Variants in VPS13C observed in about 807,000 individuals in gnomAD.
The protein encoded by VPS13C is vacuolar protein sorting 13 homolog C, also known as intermembrane lipid transfer protein VPS13C.
A neutral mutation model predicts 456.8 loss-of-function variants in VPS13C; 358 were observed. The observed-to-expected ratio is 0.78, with a 90% confidence interval of 0.72 to 0.86. VPS13C has a LOEUF of 0.86. VPS13C is among the 40% of genes least tolerant of loss of function. The pLI is 0.00. For synonymous variants in VPS13C, 1,578 were observed against 1,486.7 expected (o/e 1.06, Z -1.41); for missense variants, 4,818 against 4,385.4 (o/e 1.10, Z -2.79).
At chr15:61,907,117 T>G in intron 66 of VPS13C, 147 bp downstream of exon 66, 1 of 1,086,528 alleles carries the variant, frequency 9.2e-7, no homozygotes, top group Non-Finnish European at 1.4e-6. Flanking sequence ...CTACAGTATT[T>G]GCCATCTAAA....
At position 62,005,161 on chromosome 15, in the gene VPS13C, T is replaced by A. The variant is rs551654747; in HGVS notation, c.1290+2147A>T. On this transcript the variant is annotated intron_variant, in intron 15 of 84. Coordinates refer to ENST00000644861, the MANE Select transcript of VPS13C (RefSeq NM_020821.3). ...TCATTAATGTGTGGGACTCTAAGTC[T>A]CTATGTAGGTCACTCAGGACTTGCT... Among the ~76,000 whole-genome samples, 12 of 152,320 alleles carry A rather than the reference T, an allele frequency of 7.9e-5. No individual in the cohort carries two copies. The South Asian group carries it at 2.5e-3, about 32-fold the overall frequency.
intron 66 of VPS13C, among the ~76,000 whole-genome samples, chr15:61,891,575 T>C (rs770398630): frequency 2.8e-4 from 43 of 152,348 alleles, no homozygotes; most frequent in African/African-American, 9.6e-4. Flanking sequence ...TTGTTTTTCA[T>C]CTATTTCATG....
In VPS13C at chr15:61,941,760, T is replaced by C. The variant is rs1179673990; in HGVS notation, c.5453+3A>G. 3.7e-6 allele frequency: 6 copies of C among 1,605,582 alleles called. No homozygotes were observed. Among genetic ancestry groups the C allele is most frequent in the South Asian group, 2.2e-5 (2 of 90,098 alleles). On this transcript the variant is annotated splice_donor_region_variant and intron_variant, in intron 46 of 84. Coordinates refer to ENST00000644861, the MANE Select transcript of VPS13C (RefSeq NM_020821.3). ...AATACACAATTAGATTACATATTTATACCTTGACAGCTTCAACTGAGTGAG... is the reference window on the plus strand; with the variant it reads ...AATACACAATTAGATTACATATTTACACCTTGACAGCTTCAACTGAGTGAG...
intron 1 of VPS13C, among the ~76,000 whole-genome samples, chr15:62,057,356 C>T (rs984815408): frequency 6.6e-6 from 1 of 152,108 alleles, no homozygotes; most frequent in Non-Finnish European, 1.5e-5. Flanking sequence ...AATTAATATT[C>T]CCATTTGTTT....
At chr15:62,000,481 T>A (rs2140457510) in intron 16 of VPS13C, 83 bp downstream of exon 16, 1 of 1,358,500 alleles carries the variant, frequency 7.4e-7, no homozygotes, top group South Asian at 1.4e-5. Context: ...CCTCACCTCG[T>A]GAAACTTCAA....
chr15:61,899,440 C>G (rs539916880), intron 66 of VPS13C, among the ~76,000 whole-genome samples: 5 of 152,150 alleles, frequency 3.3e-5, no homozygotes, highest in South Asian at 4.2e-4. Context: ...CGATCCCACA[C>G]AAATACAAAC....
In VPS13C at chr15:61,867,267, T is replaced by A; in HGVS notation, c.10863+1392A>T. On this transcript the variant is annotated intron_variant, in intron 81 of 84. Transcript: ENST00000644861. This position sits in a 1 kb window ranked among gnomAD's most constrained non-coding sequence, Gnocchi z 5.0. Reference sequence around the variant, plus strand: ...TTTGAAAAGCAGAAATGCTAAAGGCTGAAAATGTATATAACATAATTATAA... The same window carrying A: ...TTTGAAAAGCAGAAATGCTAAAGGCAGAAAATGTATATAACATAATTATAA... 1 of 984,350 alleles carries A rather than the reference T, an allele frequency of 1.0e-6. No homozygotes were observed. The highest frequency in any genetic ancestry group is 1.2e-6 in the Non-Finnish European group (1 of 828,972). The allele number at this position is 984,350 out of a possible 1,614,324, so 61.0% of individuals were successfully genotyped here.
intron 38 of VPS13C, among the ~76,000 whole-genome samples, chr15:61,953,945 C>T (rs1389036404): frequency 6.6e-6 from 1 of 152,132 alleles, no homozygotes; most frequent in African/African-American, 2.4e-5. Flanking sequence ...TTACCTCTAT[C>T]CTTGTCACTG....
chr15:61,948,240 T>C (rs563302268), intron 42 of VPS13C, among the ~76,000 whole-genome samples: 1 of 152,196 alleles, frequency 6.6e-6, no homozygotes, highest in Non-Finnish European at 1.5e-5. Flanking sequence ...GTGTTGTGTA[T>C]GTACTGTATG....
intron 68 of VPS13C, among the ~76,000 whole-genome samples, chr15:61,883,617 G>C (rs912532691): frequency 2.0e-5 from 3 of 152,066 alleles, no homozygotes; most frequent in African/African-American, 7.2e-5. Flanking sequence ...AAGGGCCTAG[G>C]TGGAGTGCAT....
At chr15:62,043,022 G>A (rs2048290968) in intron 2 of VPS13C, among the ~76,000 whole-genome samples, 1 of 151,552 alleles carries the variant, frequency 6.6e-6, no homozygotes, top group African/African-American at 2.4e-5. Context: ...TCCTTAGTAT[G>A]TTAGATATAT....
At chr15:61,920,388 A>G in intron 56 of VPS13C, 57 bp from the exon 57 acceptor site, 1 of 1,509,454 alleles carries the variant, frequency 6.6e-7, no homozygotes. Context: ...TTCTTCCCAA[A>G]ACCTATACCA....
chr15:61,926,534 A>G (rs1330903724), intron 52 of VPS13C, among the ~76,000 whole-genome samples: 1 of 152,228 alleles, frequency 6.6e-6, no homozygotes, highest in Non-Finnish European at 1.5e-5. Context: ...TTTGTCCACA[A>G]ATTTTTTACA....
At chr15:62,047,260 CT>C (rs1483031634) in intron 1 of VPS13C, among the ~76,000 whole-genome samples, 1 of 150,992 alleles carries the variant, frequency 6.6e-6, no homozygotes, top group Non-Finnish European at 1.5e-5. Context: ...CCCATCTCTA[CT>C]AAAAAAAAAA....
chr15:61,899,758 T>C (rs1479725226), intron 66 of VPS13C, among the ~76,000 whole-genome samples: 1 of 151,828 alleles, frequency 6.6e-6, no homozygotes, highest in Non-Finnish European at 1.5e-5. Flanking sequence ...CCTAACTTAT[T>C]TTATGAGACC....
chr15:61,991,708 G>C lies in VPS13C; in HGVS notation c.1448C>G (p.Ser483Cys), dbSNP rs1432779306. ...CAATGATTCTTCGTCCTTTTTCTTA[G>C]ACTCTTTCTTACCCCACAACCCACT... ...WFSGLWGKKE[S>C]KKKDEESLIP... Residue 483 changes from serine to cysteine, a missense_variant, in exon 17 of 85, where the codon TCT (serine) becomes TGT (cysteine). Transcript: ENST00000644861. 1.2e-6 allele frequency: 2 copies of C among 1,611,628 alleles called. No homozygotes were observed. Among genetic ancestry groups the C allele is most frequent in the Admixed American group, 1.7e-5 (1 of 59,892 alleles).
chr15:61,991,915 A>ATT (rs1182991051), intron 16 of VPS13C, 113 bp from the exon 17 acceptor site: 1 of 1,134,678 alleles, frequency 8.8e-7, no homozygotes, highest in African/African-American at 1.6e-5. Flanking sequence ...GCTACGTAAC[A>ATT]TTGCACCAGT....
intron 61 of VPS13C, 55 bp downstream of exon 61, chr15:61,915,578 A>G: frequency 6.7e-7 from 1 of 1,496,370 alleles, no homozygotes; most frequent in Admixed American, 2.3e-5. Context: ...ATGACTCCCA[A>G]GTTTCTAGAT....
chr15:61,883,645 T>C (rs1263488420), intron 68 of VPS13C, among the ~76,000 whole-genome samples: 1 of 152,156 alleles, frequency 6.6e-6, no homozygotes, highest in Non-Finnish European at 1.5e-5. Context: ...TGTGGATGCC[T>C]ACTCAGGTCC....
Sources: allele counts gnomAD v4.1 joint callset (sites outside exome capture counted in the v4.1 genomes callset), GRCh38; gene constraint gnomAD v4.1.1; non-coding constraint Gnocchi (gnomAD v3.1); transcripts MANE v1.5; gene names NCBI Gene and HGNC (gene_info 2026-07-23, HGNC 2026-07-21).